FRYL: variants seen among roughly 807,000 people sequenced by gnomAD.
FRYL encodes the protein FRY like transcription coactivator.
A neutral mutation model predicts 351.2 loss-of-function variants in FRYL; 150 were observed. The ratio of observed to expected loss-of-function variants is 0.43; its 90% CI spans 0.37 to 0.49. The LOEUF (loss-of-function observed/expected upper bound fraction) is 0.49. Ranked by LOEUF, FRYL falls within the 20% of genes least tolerant of loss-of-function variation. The probability of loss-of-function intolerance (pLI) is 0.00; values close to 1 mark genes in which losing one functional copy is unlikely to be tolerated. For synonymous variants in FRYL, 1,153 were observed against 1,257.1 expected, an observed-to-expected ratio of 0.92 and a Z score of 1.75; for missense variants, 3,036 against 3,619.3, an observed-to-expected ratio of 0.84 and a Z score of 4.13.
intron 3 of FRYL, among the ~76,000 whole-genome samples, chr4:48,682,101 A>T (rs1240683528): frequency 4.6e-5 from 7 of 152,232 alleles, no homozygotes; most frequent in Admixed American, 3.9e-4. Flanking sequence ...TCATATCTAT[A>T]ACTCTGAATG....
At position 48,528,295 on chromosome 4, in the gene FRYL, C is replaced by A. The variant is rs373863038; in HGVS notation, c.6945G>T (p.Ala2315=). 14 of 1,613,140 alleles carry A rather than the reference C, an allele frequency of 8.7e-6. No individual in the cohort carries two copies. In the Admixed American group the frequency reaches 2.0e-4, roughly 23 times the overall value. ...CTTTTGGTTTCCCATTTCTTCCAGC[C>A]GCACTGTGCTGATCACCATATTTGT... ...IGNKYGDQHS[A]AGRNGKPKVI... The change falls in exon 51 of 64, where the codon GCG becomes GCT. Residue 2315 remains alanine, a synonymous_variant. Coordinates refer to ENST00000358350, the MANE Select transcript of FRYL (RefSeq NM_015030.2).
rs200277224 is a variant in FRYL at position 48,645,757 on chromosome 4, T to C, written c.-80-11267A>G. Among the ~76,000 whole-genome samples, 18 of 152,314 alleles carry C rather than the reference T, an allele frequency of 1.2e-4. No individual in the cohort carries two copies. The East Asian group carries it at 3.5e-3, about 29-fold the overall frequency. ...TTCTAAAATGGAACAGTTGGCTCTA[T>C]ACAATAATTTTACTTAAAGTTGATT... On this transcript the variant is annotated intron_variant, in intron 3 of 63. Transcript: ENST00000358350.
rs1735509624 is a variant in FRYL, at chr4:48,561,602, T to C, written c.3731A>G (p.Lys1244Arg). The C allele has an allele frequency of 6.2e-7, 1 of 1,611,434 alleles. No homozygotes were observed. The highest frequency in any genetic ancestry group is 8.5e-7 in the Non-Finnish European group (1 of 1,178,354). ...LEPKMFRYAH[K>R]LEVQRTDGVL... is the part of the protein sequence containing the mutation. ...TCCATCTGTTCTCTGAACCTCCAATTTGTGAGCATAGCGAAACATCTTCGG... is the reference window on the plus strand; with the variant it reads ...TCCATCTGTTCTCTGAACCTCCAATCTGTGAGCATAGCGAAACATCTTCGG... Residue 1244 changes from lysine to arginine, a missense_variant, in exon 33 of 64, where the codon AAA (lysine) becomes AGA (arginine). By Grantham distance (26) the Lys-to-Arg change is conservative (BLOSUM62 2). Around this residue, in one of 7 missense-constraint regions of FRYL, gnomAD observed 1,987 missense variants for 2,311.7 expected, o/e 0.86. Coordinates refer to ENST00000358350, the MANE Select transcript of FRYL (RefSeq NM_015030.2).
intron 33 of FRYL, 104 bp downstream of exon 33, chr4:48,561,364 G>C: frequency 1.5e-6 from 1 of 675,838 alleles, no homozygotes; most frequent in East Asian, 2.9e-5. Context: ...AGACATGTCT[G>C]GTTTTGATTT....
chr4:48,539,406 A>G (rs573840213), intron 47 of FRYL, among the ~76,000 whole-genome samples: 2 of 152,286 alleles, frequency 1.3e-5, no homozygotes, highest in East Asian at 3.9e-4. Context: ...CCTCTCATCC[A>G]GGGACCTTAC....
intron 35 of FRYL, among the ~76,000 whole-genome samples, chr4:48,555,372 G>T (rs1018485010): frequency 2.0e-5 from 3 of 152,204 alleles, no homozygotes; most frequent in Admixed American, 6.5e-5. Context: ...CAAAATTAAT[G>T]AGGTAAATAG....
At chr4:48,538,392 T>C (rs1364762708) in intron 47 of FRYL, among the ~76,000 whole-genome samples, 1 of 152,210 alleles carries the variant, frequency 6.6e-6, no homozygotes, top group East Asian at 1.9e-4. Context: ...AGAGCATATT[T>C]TATTAAATAT....
chr4:48,556,893 G>C, intron 35 of FRYL, 85 bp downstream of exon 35: 1 of 1,265,770 alleles, frequency 7.9e-7, no homozygotes, highest in Non-Finnish European at 1.1e-6. Flanking sequence ...GCCTCTCCTG[G>C]GCAACTGCTG....
At chr4:48,714,969 T>C (rs1768588387) in intron 1 of FRYL, among the ~76,000 whole-genome samples, 1 of 151,898 alleles carries the variant, frequency 6.6e-6, no homozygotes, top group South Asian at 2.1e-4. Flanking sequence ...TGGTTCAATA[T>C]ATGCAAATCA....
chr4:48,752,610 G>A (rs1773363447), intron 1 of FRYL, among the ~76,000 whole-genome samples: 1 of 152,112 alleles, frequency 6.6e-6, no homozygotes, highest in South Asian at 2.1e-4. Flanking sequence ...CATGATATCT[G>A]TAAGTCTCTC....
At chr4:48,557,149 G>A (rs761119748) in intron 34 of FRYL, 31 bp from the exon 35 acceptor site, 2 of 1,556,054 alleles carry the variant, frequency 1.3e-6, no homozygotes, top group Non-Finnish European at 1.7e-6. Flanking sequence ...AGATACTTCA[G>A]TCATGACTGC....
chr4:48,506,631 T>A (rs1433339944), intron 59 of FRYL: 1 of 41,960 alleles, frequency 2.4e-5, no homozygotes, highest in African/African-American at 5.7e-5. Flanking sequence ...TATATATATA[T>A]ATATATATAT....
At chr4:48,570,710 C>A in intron 27 of FRYL, 117 bp downstream of exon 27, 2 of 676,002 alleles carry the variant, frequency 3.0e-6, no homozygotes, top group Non-Finnish European at 5.2e-6. Flanking sequence ...CACAGTGATA[C>A]ATACAGGTTT....
At chr4:48,617,050 T>A (rs1369455195) in intron 7 of FRYL, among the ~76,000 whole-genome samples, 3 of 152,156 alleles carry the variant, frequency 2.0e-5, no homozygotes, top group Non-Finnish European at 4.4e-5. Flanking sequence ...AATCCCTACA[T>A]AGGATTTTAG....
chr4:48,671,847 C>T (rs1221901853), intron 3 of FRYL, among the ~76,000 whole-genome samples: 2 of 89,948 alleles, frequency 2.2e-5, no homozygotes, highest in South Asian at 3.8e-4. Context: ...AGAGAGACTC[C>T]GTCTCAAAAA....
intron 1 of FRYL, among the ~76,000 whole-genome samples, chr4:48,730,234 T>C (rs954771875): frequency 3.9e-5 from 6 of 152,024 alleles, no homozygotes; most frequent in African/African-American, 1.4e-4. Context: ...TATGGGACTA[T>C]GTGAAAAGAC....
At chr4:48,551,186 T>C (rs1419435854) in intron 37 of FRYL, among the ~76,000 whole-genome samples, 1 of 152,106 alleles carries the variant, frequency 6.6e-6, no homozygotes, top group African/African-American at 2.4e-5. Context: ...CTACCTAAAA[T>C]AATATTCTGG....
chr4:48,537,762 C>A (rs1729212739), intron 47 of FRYL, among the ~76,000 whole-genome samples: 1 of 152,160 alleles, frequency 6.6e-6, no homozygotes, highest in Admixed American at 6.5e-5. Flanking sequence ...ATATCAGCAG[C>A]TCGATATTCA....
At chr4:48,557,211 T>C in intron 34 of FRYL, 93 bp from the exon 35 acceptor site, 1 of 1,438,504 alleles carries the variant, frequency 7.0e-7, no homozygotes, top group Non-Finnish European at 9.4e-7. Flanking sequence ...AAATGTTTTG[T>C]ACAGATAGCT....
Sources: allele counts gnomAD v4.1 joint callset (sites outside exome capture counted in the v4.1 genomes callset), GRCh38; gene constraint gnomAD v4.1.1; regional missense constraint gnomAD v4.1.1; transcripts MANE v1.5; gene names NCBI Gene and HGNC (gene_info 2026-07-23, HGNC 2026-07-21).